CEP41: variants seen among roughly 807,000 people sequenced by gnomAD.
CEP41 encodes centrosomal protein 41.
Under a neutral mutation model 44.3 loss-of-function variants are expected in CEP41, and 32 were observed. The ratio of observed to expected loss-of-function variants is 0.72; its 90% confidence interval spans 0.54 to 0.97. The LOEUF (loss-of-function observed/expected upper bound fraction) is 0.97. CEP41 is among the 50% of genes least tolerant of loss of function. The probability of loss-of-function intolerance (pLI) is 0.00; values close to 1 mark genes in which losing one functional copy is unlikely to be tolerated. For missense variants in CEP41, 432 were observed against 455.2 expected (o/e 0.95, Z 0.46); for synonymous variants, 151 against 168.5 (o/e 0.90, Z 0.80).
At chr7:130,417,412 T>G (rs1797369475) in intron 2 of CEP41, 21 of 963,324 alleles carry the variant, frequency 2.2e-5, no homozygotes, top group Admixed American at 5.0e-5. Flanking sequence ...CTCTCTCCTC[T>G]CGGCTTTGTC....
At chr7:130,435,930 G>A (rs1562998949) in intron 1 of CEP41, among the ~76,000 whole-genome samples, 1 of 152,112 alleles carries the variant, frequency 6.6e-6, no homozygotes, top group Non-Finnish European at 1.5e-5. Context: ...CGAGGCTGGT[G>A]GATCATTAGG....
rs369257635 is a variant in CEP41, at chr7:130,402,774, C to T, written c.448G>A (p.Asp150Asn). The T allele has an allele frequency of 6.2e-7, 1 of 1,613,990 alleles. No homozygotes were observed. Among genetic ancestry groups the T allele is most frequent in the Non-Finnish European group, 8.5e-7 (1 of 1,180,006 alleles). ...QSVISGVGELDLDKGPVKKAE... is the reference protein window; with the variant it reads ...QSVISGVGELNLDKGPVKKAE... ...TTCTTCACTGGCCCTTTGTCTAGAT[C>T]CAGTTCCCCAACACCACTGATGACA... Residue 150 changes from aspartate (D) to asparagine (N), a missense_variant, in exon 7 of 11, where the codon GAT (aspartate) becomes AAT (asparagine). Transcript: ENST00000223208.
chr7:130,413,883 C>A (rs1315319711), intron 3 of CEP41, among the ~76,000 whole-genome samples: 1 of 152,188 alleles, frequency 6.6e-6, no homozygotes, highest in African/African-American at 2.4e-5. Flanking sequence ...TATTGGTACC[C>A]ATGACTCTTT....
intron 2 of CEP41, chr7:130,419,124 G>A (rs1279701244): frequency 1.0e-6 from 1 of 985,208 alleles, no homozygotes; most frequent in African/African-American, 1.7e-5. Flanking sequence ...AGGCCATCAT[G>A]CCCTCTATTT....
chr7:130,397,819 G>T lies in CEP41; in HGVS notation c.*1072C>A, dbSNP rs551147986. ...TCAATTAATGCTGATTCAAAATTCC[G>T]GCCAAAACCAGAATCTATAATCACA... is the stretch of plus-strand genomic sequence containing the variant. On this transcript the variant is annotated 3_prime_UTR_variant, in exon 11 of 11. Transcript: ENST00000223208. The T allele has an allele frequency of 2.3e-6, 1 of 443,798 alleles. No homozygotes were observed. Among genetic ancestry groups the T allele is most frequent in the Non-Finnish European group, 4.6e-6 (1 of 218,750 alleles). The allele number at this position is 443,798 out of a possible 1,614,324, so 27.5% of individuals were successfully genotyped here.
chr7:130,397,742 G>A lies in CEP41; in HGVS notation c.*1149C>T. 2.2e-6 allele frequency: 1 copy of A among 452,414 alleles called. No individual in the cohort carries two copies. Among genetic ancestry groups the A allele is most frequent in the Non-Finnish European group, 4.4e-6 (1 of 225,892 alleles). The allele number at this position is 452,414 out of a possible 1,614,324, so 28.0% of individuals were successfully genotyped here. A position where few individuals can be genotyped will look rare whatever the true frequency, so the allele number is the denominator to read the frequency against. ...ATTTCAGAGTTCCTCATCCTTACCT[G>A]AGGCCTTTTGTTCCCCCAATTAAAT... On this transcript the variant is annotated 3_prime_UTR_variant, in exon 11 of 11. Coordinates refer to ENST00000223208, the MANE Select transcript of CEP41 (RefSeq NM_018718.3).
At chr7:130,410,947 A>G in intron 5 of CEP41, 175 bp downstream of exon 5, 3 of 680,156 alleles carry the variant, frequency 4.4e-6, no homozygotes, top group Non-Finnish European at 7.9e-6. Context: ...TGGCTTTTTA[A>G]AATAAGAATT....
intron 2 of CEP41, chr7:130,419,284 T>C (rs1554421579): frequency 1.5e-5 from 15 of 985,328 alleles, no homozygotes; most frequent in Non-Finnish European, 1.8e-5. Flanking sequence ...AAAAGGAGAA[T>C]GGAGGATTTC....
intron 2 of CEP41, 56 bp downstream of exon 2, chr7:130,427,899 T>C: frequency 3.3e-6 from 4 of 1,197,586 alleles, no homozygotes; most frequent in South Asian, 2.5e-5. Context: ...GGTTGCTTTC[T>C]GTCAATAATT....
At chr7:130,400,330 T>A in intron 9 of CEP41, 76 bp from the exon 10 acceptor site, 4 of 983,106 alleles carry the variant, frequency 4.1e-6, no homozygotes, top group East Asian at 2.4e-5. Flanking sequence ...GAAGCCTGCA[T>A]GTCTTCTAAT....
chr7:130,414,410 C>A (rs1797274865), intron 3 of CEP41, among the ~76,000 whole-genome samples: 1 of 152,122 alleles, frequency 6.6e-6, no homozygotes, highest in Non-Finnish European at 1.5e-5. Context: ...TTATGCAAAT[C>A]AAAACAACAA....
intron 2 of CEP41, among the ~76,000 whole-genome samples, chr7:130,418,443 T>C (rs1797401118): frequency 6.6e-6 from 1 of 152,214 alleles, no homozygotes; most frequent in Non-Finnish European, 1.5e-5. Context: ...GTCAATACAA[T>C]GGCGGAAGAA....
intron 1 of CEP41, among the ~76,000 whole-genome samples, chr7:130,432,837 G>C (rs965773730): frequency 1.3e-5 from 2 of 152,026 alleles, no homozygotes; most frequent in East Asian, 3.9e-4. Flanking sequence ...ACCTGGGCTA[G>C]AAAAAAACAA....
At chr7:130,438,640 C>T (rs1439195549) in intron 1 of CEP41, among the ~76,000 whole-genome samples, 1 of 152,120 alleles carries the variant, frequency 6.6e-6, no homozygotes, top group African/African-American at 2.4e-5. Context: ...ACCCATCTTC[C>T]ACAATGTAGC....
At chr7:130,412,451 A>G (rs1388485988) in intron 3 of CEP41, among the ~76,000 whole-genome samples, 2 of 152,162 alleles carry the variant, frequency 1.3e-5, no homozygotes, top group Non-Finnish European at 2.9e-5. Context: ...AGGAAGCTTA[A>G]AGTTGAATTT....
At chr7:130,439,615 G>A (rs1374775834) in intron 1 of CEP41, among the ~76,000 whole-genome samples, 1 of 152,052 alleles carries the variant, frequency 6.6e-6, no homozygotes, top group Non-Finnish European at 1.5e-5. Context: ...ACGTATAAGT[G>A]AGATCATGCA....
chr7:130,403,332 T>C (rs541819157), intron 6 of CEP41, among the ~76,000 whole-genome samples: 3 of 152,210 alleles, frequency 2.0e-5, no homozygotes, highest in Non-Finnish European at 4.4e-5. Context: ...TCCAGTTTTA[T>C]AGGTTACAAC....
At chr7:130,404,418 A>G in intron 6 of CEP41, 146 bp downstream of exon 6, 1 of 685,174 alleles carries the variant, frequency 1.5e-6, no homozygotes, top group South Asian at 1.7e-5. Flanking sequence ...TTATATAAAG[A>G]TAAAGTAGAA....
In CEP41 at chr7:130,397,505, CATT is replaced by C; in HGVS notation, c.*1383_*1385del. On this transcript the variant is annotated 3_prime_UTR_variant, in exon 11 of 11. Coordinates refer to ENST00000223208, the MANE Select transcript of CEP41 (RefSeq NM_018718.3). The stretch of plus-strand genomic sequence containing the variant: ...CCCCCATGCTAGAAATACTGTGGTG[CATT>C]TTTTTTTTTTTTTTTTTTTTTTTTT... 8.1e-6 allele frequency: 3 copies of C among 371,200 alleles called. No homozygotes were observed. Among genetic ancestry groups the C allele is most frequent in the South Asian group, 1.8e-5 (1 of 54,476 alleles). 23.0% of individuals were successfully genotyped at this position (371,200 alleles called of 1,614,324 possible). A position where few individuals can be genotyped will look rare whatever the true frequency, so the allele number is the denominator to read the frequency against.
Sources: gnomAD v4.1 joint callset for allele counts (sites outside exome capture counted in the v4.1 genomes callset) on GRCh38, gnomAD v4.1.1 for gene constraint, MANE v1.5 for transcripts, NCBI Gene and HGNC (gene_info 2026-07-23, HGNC 2026-07-21) for gene names.